The following KPNA6 variants were observed in gnomAD, a reference collection of about 807,000 sequenced individuals.
KPNA6 encodes the protein importin subunit alpha-7.
KPNA6 carries 9 observed loss-of-function variants against 72.0 expected under a neutral mutation model. The ratio of observed to expected loss-of-function variants is 0.13; its 90% CI spans 0.08 to 0.22. The LOEUF (loss-of-function observed/expected upper bound fraction) is 0.22, where lower values mean the gene tolerates loss of function less well. KPNA6 is among the 10% of genes least tolerant of loss of function. The pLI, the probability that KPNA6 is intolerant of heterozygous loss-of-function variation, is 1.00. For synonymous variants in KPNA6, 219 were observed against 242.1 expected (o/e 0.90, Z 0.89); for missense variants, 374 against 655.7 (o/e 0.57, Z 4.69).
At chr1:32,112,853 G>T (rs1261103124) in intron 1 of KPNA6, among the ~76,000 whole-genome samples, 1 of 152,142 alleles carries the variant, frequency 6.6e-6, no homozygotes, top group African/African-American at 2.4e-5. Flanking sequence ...TTGGTGAGCT[G>T]TAATCTTTGC....
chr1:32,109,664 G>A (rs1641209631), intron 1 of KPNA6, among the ~76,000 whole-genome samples: 1 of 140,870 alleles, frequency 7.1e-6, no homozygotes, highest in Non-Finnish European at 1.5e-5. Context: ...TTTTTTTTGA[G>A]ACGGAGTCTG....
At chr1:32,108,553 C>T (rs984378604) in intron 1 of KPNA6, among the ~76,000 whole-genome samples, 30 of 152,242 alleles carry the variant, frequency 2.0e-4, no homozygotes, top group Non-Finnish European at 3.8e-4. Flanking sequence ...TCAGTGGCTC[C>T]CCTGAACTCA....
Position 32,171,201 on chromosome 1 carries a change from A to G in KPNA6, c.*307A>G, listed in dbSNP as rs1342818003. ...GGAGCCCAGGGGTAGACAAAGGAGG[A>G]CTAAGGTAATCAATTTGCACCTTTT... On this transcript the variant is annotated 3_prime_UTR_variant, in exon 14 of 14. Coordinates refer to ENST00000373625, the MANE Select transcript of KPNA6 (RefSeq NM_012316.5). The G allele has an allele frequency of 6.2e-6, 2 of 322,396 alleles. No homozygotes were observed. Among genetic ancestry groups the G allele is most frequent in the East Asian group, 1.0e-4 (2 of 19,430 alleles). The allele number at this position is 322,396 out of a possible 1,614,324, so 20.0% of individuals were successfully genotyped here.
chr1:32,117,492 A>T (rs58317944), intron 1 of KPNA6, among the ~76,000 whole-genome samples: 19,332 of 142,792 alleles, frequency 0.14, 1,495 homozygotes, highest in South Asian at 0.26. Flanking sequence ...TTTTTTTTTT[A>T]AAAAAAACAC....
chr1:32,154,475 G>C, intron 1 of KPNA6, 113 bp from the exon 2 acceptor site: 1 of 1,107,746 alleles, frequency 9.0e-7, no homozygotes. Context: ...CTCCCAGAGA[G>C]CTGTATTCCC....
At chr1:32,139,243 G>C (rs1641795929) in intron 1 of KPNA6, among the ~76,000 whole-genome samples, 1 of 152,138 alleles carries the variant, frequency 6.6e-6, no homozygotes, top group Non-Finnish European at 1.5e-5. Flanking sequence ...AGATGGATTG[G>C]AATTAGTATA....
chr1:32,170,117 G>A, intron 13 of KPNA6, 57 bp downstream of exon 13: 4 of 1,468,062 alleles, frequency 2.7e-6, no homozygotes, highest in Non-Finnish European at 2.8e-6. Flanking sequence ...CTCCAACGTG[G>A]TATACATATG....
At chr1:32,125,480 A>G (rs1054439492) in intron 1 of KPNA6, among the ~76,000 whole-genome samples, 1 of 152,150 alleles carries the variant, frequency 6.6e-6, no homozygotes. Context: ...CGATCAATCA[A>G]GAGAAAGTTC....
At chr1:32,127,928 G>C (rs1320618095) in intron 1 of KPNA6, among the ~76,000 whole-genome samples, 1 of 152,106 alleles carries the variant, frequency 6.6e-6, no homozygotes, top group Non-Finnish European at 1.5e-5. Context: ...CAATTACACA[G>C]TGCCTGTTTG....
chr1:32,119,743 A>AT (rs4012180), intron 1 of KPNA6, among the ~76,000 whole-genome samples: 8 of 124,544 alleles, frequency 6.4e-5, no homozygotes, highest in South Asian at 5.2e-4. Context: ...GAAATCTGGA[A>AT]TTTTTTTTTT....
intron 1 of KPNA6, among the ~76,000 whole-genome samples, chr1:32,130,228 T>TTA (rs1160654094): frequency 6.7e-6 from 1 of 149,396 alleles, no homozygotes; most frequent in African/African-American, 2.5e-5. Flanking sequence ...AAATATTTTT[T>TTA]TTTTTTTTTT....
Position 32,158,293 on chromosome 1 carries a change from A to G in KPNA6, c.358A>G (p.Ile120Val). 6.2e-7 allele frequency: 1 copy of G among 1,613,234 alleles called. No homozygotes were observed. The highest frequency in any genetic ancestry group is 1.1e-5 in the South Asian group (1 of 91,064). Residue 120 changes from isoleucine to valine, a missense_variant, in exon 5 of 14, where the codon ATC becomes GTC. This residue lies in a region of KPNA6 where 298 missense variants were observed against 495.4 expected (regional missense o/e 0.60). Transcript: ENST00000373625. ...GCCTAGTCCTCCAATAGATGAAGTT[A>G]TCAACACTCCAAGAGTGGTGGATCG... Reference protein sequence around the residue: ...KEPSPPIDEVINTPRVVDRFV... With the variant: ...KEPSPPIDEVVNTPRVVDRFV...
intron 11 of KPNA6, among the ~76,000 whole-genome samples, chr1:32,166,902 C>T (rs1642350103): frequency 6.6e-6 from 1 of 152,136 alleles, no homozygotes; most frequent in Non-Finnish European, 1.5e-5. Context: ...CGCGCCACTG[C>T]ACTCCAGCCT....
chr1:32,147,061 A>G (rs1013062762), intron 1 of KPNA6, among the ~76,000 whole-genome samples: 1 of 151,814 alleles, frequency 6.6e-6, no homozygotes, highest in Non-Finnish European at 1.5e-5. Flanking sequence ...GTTTCACCAC[A>G]TTGCCTAGAC....
intron 1 of KPNA6, among the ~76,000 whole-genome samples, chr1:32,146,869 T>TG (rs1263860065): frequency 2.7e-5 from 4 of 148,396 alleles, no homozygotes; most frequent in African/African-American, 7.5e-5. Context: ...TTGTTTTTTG[T>TG]GTTTTTTTTT....
chr1:32,165,624 A>T (rs1214472290), intron 10 of KPNA6, among the ~76,000 whole-genome samples: 4 of 152,084 alleles, frequency 2.6e-5, no homozygotes, highest in Non-Finnish European at 4.4e-5. Flanking sequence ...ATTGCTTGAG[A>T]CTGGGAGGTC....
At chr1:32,110,458 G>C (rs1411375020) in intron 1 of KPNA6, among the ~76,000 whole-genome samples, 1 of 152,136 alleles carries the variant, frequency 6.6e-6, no homozygotes, top group East Asian at 1.9e-4. Flanking sequence ...ATCTGGTATT[G>C]GAAGTCACTT....
Position 32,173,148 on chromosome 1 carries a change from A to G in KPNA6, c.*2254A>G, listed in dbSNP as rs1053009535. 2 of 394,444 alleles carry G rather than the reference A, an allele frequency of 5.1e-6. No individual in the cohort carries two copies. The highest frequency in any genetic ancestry group is 2.1e-5 in the African/African-American group (1 of 47,132). 24.4% of individuals were successfully genotyped at this position (394,444 alleles called of 1,614,324 possible). On this transcript the variant is annotated 3_prime_UTR_variant, in exon 14 of 14. Transcript: ENST00000373625. ...TTTTTTCACTTGGCCTGCTACCTCCATTAAAAAACCATTCTCTTACAGTTT... is the reference window on the plus strand; with the variant it reads ...TTTTTTCACTTGGCCTGCTACCTCCGTTAAAAAACCATTCTCTTACAGTTT...
At chr1:32,157,068 AC>A in intron 3 of KPNA6, 123 bp downstream of exon 3, 1 of 695,456 alleles carries the variant, frequency 1.4e-6, no homozygotes, top group Non-Finnish European at 2.5e-6. Flanking sequence ...TCCTCTGTGG[AC>A]CCTTTCGTCA....
Sources: allele counts gnomAD v4.1 joint callset (sites outside exome capture counted in the v4.1 genomes callset), GRCh38; gene constraint gnomAD v4.1.1; regional missense constraint gnomAD v4.1.1; transcripts MANE v1.5; gene names NCBI Gene and HGNC (gene_info 2026-07-23, HGNC 2026-07-21).